SIPA1L2: variants seen among roughly 807,000 people sequenced by gnomAD.
The protein encoded by SIPA1L2 is signal induced proliferation associated 1 like 2, also known as signal-induced proliferation-associated 1-like protein 2.
In SIPA1L2, 56 loss-of-function variants were observed where a neutral mutation model predicts 163.9. The observed-to-expected ratio is 0.34, with a 90% CI of 0.28 to 0.43. The LOEUF is 0.43. SIPA1L2 is among the 20% of genes least tolerant of loss of function. The pLI, the probability that SIPA1L2 is intolerant of heterozygous loss-of-function variation, is 1.00. For missense variants in SIPA1L2, 1,974 were observed against 2,193.5 expected, an observed-to-expected ratio of 0.90 and a Z score of 2.00; for synonymous variants, 877 against 865.7, an observed-to-expected ratio of 1.01 and a Z score of -0.23.
intron 10 of SIPA1L2, among the ~76,000 whole-genome samples, chr1:232,451,104 C>A (rs1322571872): frequency 6.6e-6 from 1 of 152,106 alleles, no homozygotes; most frequent in African/African-American, 2.4e-5. Flanking sequence ...CTAGATTTTG[C>A]TTTGTTTACT....
chr1:232,456,802 C>T (rs554411167), intron 10 of SIPA1L2, among the ~76,000 whole-genome samples: 1 of 152,296 alleles, frequency 6.6e-6, no homozygotes, highest in South Asian at 2.1e-4. Flanking sequence ...CAGAGACTGT[C>T]TGCTTGAGAA....
chr1:232,563,309 T>C (rs1000230954), intron 2 of SIPA1L2, among the ~76,000 whole-genome samples: 1 of 152,224 alleles, frequency 6.6e-6, no homozygotes, highest in African/African-American at 2.4e-5. Context: ...TTCACCTGGA[T>C]TCCTCCAGCT....
At chr1:232,433,559 C>A (rs896755937) in intron 15 of SIPA1L2, among the ~76,000 whole-genome samples, 1 of 152,058 alleles carries the variant, frequency 6.6e-6, no homozygotes, top group African/African-American at 2.4e-5. Context: ...CTGAAACAGA[C>A]AGAGGCCCTA....
intron 19 of SIPA1L2, among the ~76,000 whole-genome samples, chr1:232,413,286 T>C (rs1422058759): frequency 1.3e-5 from 2 of 152,234 alleles, no homozygotes; most frequent in South Asian, 2.1e-4. Context: ...AGTGTGGATG[T>C]CATAGTAGTT....
At chr1:232,403,304 A>T (rs900446121) in intron 21 of SIPA1L2, 144 bp downstream of exon 21, 2 of 1,082,654 alleles carry the variant, frequency 1.8e-6, no homozygotes, top group Admixed American at 4.8e-5. Context: ...AGTCCCACTC[A>T]GTCCCTTCTC....
intron 2 of SIPA1L2, among the ~76,000 whole-genome samples, chr1:232,552,993 G>T (rs1658487085): frequency 6.6e-6 from 1 of 152,162 alleles, no homozygotes; most frequent in African/African-American, 2.4e-5. Context: ...CATGCTTTTA[G>T]CTCTGCCATC....
At chr1:232,438,992 A>C (rs1412401990) in intron 15 of SIPA1L2, 116 bp downstream of exon 15, 2 of 1,123,998 alleles carry the variant, frequency 1.8e-6, no homozygotes, top group Non-Finnish European at 2.4e-6. Flanking sequence ...GCTAGGAAAA[A>C]TTACACCAAC....
At chr1:232,403,187 G>A (rs1047552602) in intron 21 of SIPA1L2, among the ~76,000 whole-genome samples, 2 of 152,172 alleles carry the variant, frequency 1.3e-5, no homozygotes, top group Non-Finnish European at 2.9e-5. Context: ...AGTGAGGCTC[G>A]TCACCATGGG....
chr1:232,461,061 A>G lies in SIPA1L2; in HGVS notation c.2921T>C (p.Val974Ala). 6.2e-7 allele frequency: 1 copy of G among 1,614,286 alleles called. No homozygotes were observed. Among genetic ancestry groups the G allele is most frequent in the Non-Finnish European group, 8.5e-7 (1 of 1,180,052 alleles). The change falls in exon 10 of 23, where the codon GTG becomes GCG. Residue 974 changes from valine to alanine, a missense_variant. Around this residue, in one of 3 missense-constraint regions of SIPA1L2, gnomAD observed 1,079 missense variants for 1,150.7 expected, o/e 0.94. Coordinates refer to ENST00000674635, the MANE Select transcript of SIPA1L2 (RefSeq NM_020808.5). ...CTTCCAGGCAAAGCCAAAAGGTTCC[A>G]CATCTGCGACAATTCCTTCAAAATT... ...HVNFEGIVAD[V>A]EPFGFAWKAG...
At chr1:232,490,460 T>C (rs962484856) in intron 5 of SIPA1L2, among the ~76,000 whole-genome samples, 2 of 152,190 alleles carry the variant, frequency 1.3e-5, no homozygotes, top group Non-Finnish European at 2.9e-5. Context: ...TTAGTCAGCT[T>C]CAATCTTCCT....
At chr1:232,558,004 AGCCAAAACAAAAG>A (rs1158978575) in intron 2 of SIPA1L2, among the ~76,000 whole-genome samples, 1 of 152,236 alleles carries the variant, frequency 6.6e-6, no homozygotes, top group East Asian at 1.9e-4. Flanking sequence ...ATGGAGAGTA[AGCCAAAACAAAAG>A]CCTTGCTGGA....
chr1:232,413,950 G>A (rs1661099228), intron 19 of SIPA1L2, among the ~76,000 whole-genome samples: 1 of 152,050 alleles, frequency 6.6e-6, no homozygotes, highest in African/African-American at 2.4e-5. Context: ...TCTGGACAGA[G>A]GTAAAGACAG....
At chr1:232,400,462 C>T (rs146970731) in intron 22 of SIPA1L2, among the ~76,000 whole-genome samples, 1 of 152,154 alleles carries the variant, frequency 6.6e-6, no homozygotes, top group Non-Finnish European at 1.5e-5. Flanking sequence ...GGCTCCCTCC[C>T]GAGGAGACCG....
intron 1 of SIPA1L2, among the ~76,000 whole-genome samples, chr1:232,623,046 G>T (rs1476112025): frequency 1.3e-5 from 2 of 152,116 alleles, no homozygotes; most frequent in African/African-American, 4.8e-5. Context: ...TATTAAAATC[G>T]AACAGGAGGA....
intron 7 of SIPA1L2, among the ~76,000 whole-genome samples, chr1:232,478,520 C>T (rs1665159830): frequency 6.6e-6 from 1 of 152,046 alleles, no homozygotes; most frequent in African/African-American, 2.4e-5. Flanking sequence ...TTTTATGAGT[C>T]TTTTTTAAAA....
chr1:232,483,629 T>C (rs1050692053), intron 6 of SIPA1L2, among the ~76,000 whole-genome samples, 163 bp downstream of exon 6: 5 of 152,190 alleles, frequency 3.3e-5, no homozygotes, highest in African/African-American at 1.2e-4. Context: ...AGAAATGTGT[T>C]TCCTTTGTTC....
chr1:232,519,156 C>T (rs551291989), intron 2 of SIPA1L2, among the ~76,000 whole-genome samples: 1 of 152,302 alleles, frequency 6.6e-6, no homozygotes, highest in South Asian at 2.1e-4. Context: ...TTCCCACCCC[C>T]ACTTCCATAC....
At chr1:232,489,118 G>C (rs1462431639) in intron 5 of SIPA1L2, among the ~76,000 whole-genome samples, 1 of 152,164 alleles carries the variant, frequency 6.6e-6, no homozygotes, top group Non-Finnish European at 1.5e-5. Flanking sequence ...CCAAATGAGA[G>C]CTTCATCCAC....
chr1:232,516,536 A>C (rs541734863), intron 2 of SIPA1L2, among the ~76,000 whole-genome samples: 1 of 151,758 alleles, frequency 6.6e-6, no homozygotes, highest in African/African-American at 2.4e-5. Flanking sequence ...GTATCTGACT[A>C]CTCATTTTCC....
Sources: allele counts gnomAD v4.1 joint callset (sites outside exome capture counted in the v4.1 genomes callset), GRCh38; gene constraint gnomAD v4.1.1; regional missense constraint gnomAD v4.1.1; transcripts MANE v1.5; gene names NCBI Gene and HGNC (gene_info 2026-07-23, HGNC 2026-07-21).